Variants in FAM168A observed in about 807,000 individuals in gnomAD.
FAM168A encodes family with sequence similarity 168 member A.
Under a neutral mutation model 28.5 loss-of-function variants are expected in FAM168A, and 3 were observed. The ratio of observed to expected loss-of-function variants is 0.11; its 90% CI spans 0.05 to 0.27. The LOEUF is 0.27. FAM168A is among the 10% of genes least tolerant of loss of function. The probability of loss-of-function intolerance (pLI) is 1.00; values close to 1 mark genes in which losing one functional copy is unlikely to be tolerated. For synonymous variants in FAM168A, 122 were observed against 124.2 expected (o/e 0.98, Z 0.12); for missense variants, 222 against 311.5 (o/e 0.71, Z 2.16).
intron 1 of FAM168A, chr11:73,510,920 A>T (rs1855211074): frequency 3.9e-6 from 1 of 253,598 alleles, no homozygotes; most frequent in African/African-American, 2.2e-5. Context: ...GGAATGGAAA[A>T]GTTGAAGCCA....
At chr11:73,467,895 T>G (rs1867760237) in intron 2 of FAM168A, among the ~76,000 whole-genome samples, 1 of 152,190 alleles carries the variant, frequency 6.6e-6, no homozygotes, top group African/African-American at 2.4e-5. Context: ...ATTTAAGTAA[T>G]AAGGACAATG....
At chr11:73,573,385 C>T (rs985245199) in intron 1 of FAM168A, among the ~76,000 whole-genome samples, 1 of 152,146 alleles carries the variant, frequency 6.6e-6, no homozygotes, top group African/African-American at 2.4e-5. Flanking sequence ...CTCCCACTTC[C>T]TTGTTCTAGG....
At chr11:73,574,743 T>TA (rs1346157310) in intron 1 of FAM168A, among the ~76,000 whole-genome samples, 1 of 96,756 alleles carries the variant, frequency 1.0e-5, no homozygotes, top group Non-Finnish European at 2.2e-5. Flanking sequence ...TTTTTTTTTT[T>TA]AGTAGAGAAA....
At position 73,549,798 on chromosome 11, in the gene FAM168A, A is replaced by G. The variant is rs551334139; in HGVS notation, c.-19+48125T>C. On this transcript the variant is annotated intron_variant, in intron 1 of 7. Coordinates refer to ENST00000356467, the MANE Select transcript of FAM168A (RefSeq NM_015159.3). ...CCCACCATCATCCCAACTTGTGGAA[A>G]GAGGCAGGAATCACAATAAGTAGAG... Among the ~76,000 whole-genome samples the G allele has an allele frequency of 8.1e-4, 123 of 152,374 alleles. 1 individual carries two copies. The highest frequency in any genetic ancestry group is 2.6e-4 in the Non-Finnish European group (18 of 68,042).
chr11:73,516,666 T>G (rs1192990324), intron 1 of FAM168A, among the ~76,000 whole-genome samples: 1 of 152,244 alleles, frequency 6.6e-6, no homozygotes, highest in Non-Finnish European at 1.5e-5. Context: ...ATTTTTTCCA[T>G]GTCCACCTCT....
Position 73,419,917 on chromosome 11 carries a change from G to A in FAM168A, c.234C>T (p.Thr78=), listed in dbSNP as rs1200047467. The part of the protein sequence containing the change: ...TEGTFHLPVD[T]GTENRTYQAS... ...CTTGGTAAGTTCGGTTCTCGGTCCCGGTGTCCACTGGGAGGTGGAAGGTGC... is the reference window on the plus strand; with the variant it reads ...CTTGGTAAGTTCGGTTCTCGGTCCCAGTGTCCACTGGGAGGTGGAAGGTGC... Residue 78 remains threonine, a synonymous_variant, in exon 4 of 8, where the codon ACC becomes ACT. Coordinates refer to ENST00000356467, the MANE Select transcript of FAM168A (RefSeq NM_015159.3). 3 of 1,613,936 alleles carry A rather than the reference G, an allele frequency of 1.9e-6. No individual in the cohort carries two copies. Among genetic ancestry groups the A allele is most frequent in the Non-Finnish European group, 2.5e-6 (3 of 1,179,882 alleles).
intron 1 of FAM168A, among the ~76,000 whole-genome samples, chr11:73,523,318 AATTTT>A (rs1943408799): frequency 6.6e-6 from 1 of 152,006 alleles, no homozygotes; most frequent in Non-Finnish European, 1.5e-5. Context: ...GATCATTTAT[AATTTT>A]ATTTTATTTT....
intron 1 of FAM168A, among the ~76,000 whole-genome samples, chr11:73,568,995 C>T (rs1665018613): frequency 6.6e-6 from 1 of 152,072 alleles, no homozygotes; most frequent in African/African-American, 2.4e-5. Flanking sequence ...GAATTCAATA[C>T]AATTAAGTTC....
chr11:73,427,803 C>T (rs1270923600), intron 3 of FAM168A, among the ~76,000 whole-genome samples: 1 of 152,194 alleles, frequency 6.6e-6, no homozygotes, highest in Non-Finnish European at 1.5e-5. Flanking sequence ...ACCAGAGGTG[C>T]TGAACATTAT....
At chr11:73,573,882 G>C (rs141020403) in intron 1 of FAM168A, among the ~76,000 whole-genome samples, 2 of 152,270 alleles carry the variant, frequency 1.3e-5, no homozygotes, top group Non-Finnish European at 2.9e-5. Context: ...CTATGTCCAG[G>C]AGTTCCACGC....
chr11:73,480,471 T>C (rs1419784824), intron 1 of FAM168A, among the ~76,000 whole-genome samples: 1 of 151,972 alleles, frequency 6.6e-6, no homozygotes, highest in African/African-American at 2.4e-5. Context: ...ACACAAGTAC[T>C]CGGACCTTAC....
At chr11:73,457,783 A>G (rs1727279701) in intron 2 of FAM168A, among the ~76,000 whole-genome samples, 2 of 150,414 alleles carry the variant, frequency 1.3e-5, no homozygotes, top group Admixed American at 1.3e-4. Flanking sequence ...AAAAAAGGCT[A>G]AAATGGTAAA....
intron 1 of FAM168A, among the ~76,000 whole-genome samples, chr11:73,597,119 C>T (rs996157950): frequency 9.9e-5 from 15 of 152,154 alleles, no homozygotes; most frequent in Admixed American, 9.2e-4. Context: ...TCCCTGTCCT[C>T]CCATTTCGGG....
intron 1 of FAM168A, among the ~76,000 whole-genome samples, chr11:73,564,697 C>T (rs1471453470): frequency 1.4e-5 from 2 of 142,880 alleles, no homozygotes; most frequent in East Asian, 2.1e-4. Flanking sequence ...GAGCTGAGAT[C>T]GCGCAACTGC....
At chr11:73,452,883 C>T (rs1867458479) in intron 2 of FAM168A, among the ~76,000 whole-genome samples, 2 of 151,360 alleles carry the variant, frequency 1.3e-5, no homozygotes, top group Admixed American at 1.3e-4. Context: ...TTACTCAACA[C>T]TATGCTGCAG....
At chr11:73,485,496 A>G (rs1457951027) in intron 1 of FAM168A, among the ~76,000 whole-genome samples, 1 of 152,194 alleles carries the variant, frequency 6.6e-6, no homozygotes, top group East Asian at 1.9e-4. Context: ...AATGATAGAC[A>G]ATCTGAACCT....
chr11:73,456,079 A>G (rs1023760751), intron 2 of FAM168A, among the ~76,000 whole-genome samples: 6 of 152,206 alleles, frequency 3.9e-5, no homozygotes, highest in Non-Finnish European at 5.9e-5. Flanking sequence ...TAACTGATCA[A>G]TTTTTTAACA....
chr11:73,534,678 CA>C (rs1943555192), intron 1 of FAM168A, among the ~76,000 whole-genome samples: 1 of 82 alleles, frequency 0.012, no homozygotes, highest in Non-Finnish European at 0.019. Context: ...GCTGGGATTA[CA>C]GGGTGTAAGC....
At chr11:73,545,355 A>G (rs922177663) in intron 1 of FAM168A, among the ~76,000 whole-genome samples, 2 of 151,750 alleles carry the variant, frequency 1.3e-5, no homozygotes, top group African/African-American at 4.8e-5. Context: ...CTAAATGAAA[A>G]AAGCTAGCTA....
Sources: gnomAD v4.1 joint callset for allele counts (sites outside exome capture counted in the v4.1 genomes callset) on GRCh38, gnomAD v4.1.1 for gene constraint, MANE v1.5 for transcripts, NCBI Gene and HGNC (gene_info 2026-07-23, HGNC 2026-07-21) for gene names.